The following DNAJC5B variants were observed in gnomAD, a reference collection of about 807,000 sequenced individuals.
DNAJC5B encodes DnaJ heat shock protein family (Hsp40) member C5 beta.
In DNAJC5B, 23 loss-of-function variants were observed where a neutral mutation model predicts 24.7. The observed-to-expected ratio is 0.93, with a 90% CI of 0.67 to 1.32. DNAJC5B has a LOEUF of 1.32. Among genes scored for constraint, DNAJC5B ranks in the 40% most tolerant of loss-of-function variants. The probability of loss-of-function intolerance (pLI) is 0.00; values close to 1 mark genes in which losing one functional copy is unlikely to be tolerated. For synonymous variants in DNAJC5B, 101 were observed against 90.1 expected (o/e 1.12, Z -0.68); for missense variants, 238 against 240.8 (o/e 0.99, Z 0.08).
At chr8:66,099,506 C>CACT (rs1808026949) in intron 5 of DNAJC5B, among the ~76,000 whole-genome samples, 1 of 152,228 alleles carries the variant, frequency 6.6e-6, no homozygotes, top group Admixed American at 6.5e-5. Flanking sequence ...TCCAATTGTA[C>CACT]ACTACATAAT....
At chr8:66,066,605 T>C (rs977215221) in intron 3 of DNAJC5B, among the ~76,000 whole-genome samples, 7 of 152,170 alleles carry the variant, frequency 4.6e-5, no homozygotes, top group African/African-American at 1.7e-4. Flanking sequence ...TGGAGGCCAT[T>C]ATTCTAAATA....
At chr8:66,095,259 T>C (rs1412994627) in intron 5 of DNAJC5B, among the ~76,000 whole-genome samples, 1 of 152,100 alleles carries the variant, frequency 6.6e-6, no homozygotes. Context: ...TTACTTAATG[T>C]TTATAGACCA....
intron 1 of DNAJC5B, among the ~76,000 whole-genome samples, chr8:66,033,709 G>T (rs1212782576): frequency 6.6e-6 from 1 of 151,038 alleles, no homozygotes; most frequent in Non-Finnish European, 1.5e-5. Flanking sequence ...AACACAATTG[G>T]TGGTAACAAC....
chr8:66,093,917 C>T (rs1190202168), intron 5 of DNAJC5B, among the ~76,000 whole-genome samples: 1 of 152,072 alleles, frequency 6.6e-6, no homozygotes, highest in African/African-American at 2.4e-5. Context: ...ATGTGGGACT[C>T]CAATTTCATT....
intron 4 of DNAJC5B, among the ~76,000 whole-genome samples, chr8:66,079,897 T>C (rs1237263173): frequency 6.6e-6 from 1 of 152,060 alleles, no homozygotes; most frequent in African/African-American, 2.4e-5. Flanking sequence ...GGAGAGACGC[T>C]ATCCAGGACT....
intron 5 of DNAJC5B, among the ~76,000 whole-genome samples, chr8:66,089,364 C>A (rs939642547): frequency 1.1e-4 from 16 of 152,138 alleles, no homozygotes; most frequent in Non-Finnish European, 1.8e-4. Flanking sequence ...AGAGCCAAAC[C>A]ATATCAGTGA....
At chr8:66,067,940 G>T (rs562310283) in intron 3 of DNAJC5B, among the ~76,000 whole-genome samples, 1 of 152,280 alleles carries the variant, frequency 6.6e-6, no homozygotes, top group South Asian at 2.1e-4. Flanking sequence ...TATGTAGCTT[G>T]TTACAGAGAA....
intron 1 of DNAJC5B, among the ~76,000 whole-genome samples, chr8:66,040,702 A>G (rs1269497353): frequency 1.3e-5 from 2 of 152,052 alleles, no homozygotes; most frequent in African/African-American, 4.8e-5. Flanking sequence ...GCCCAGCCCC[A>G]CTGAGCCAGA....
At chr8:66,018,208 G>T (rs1382232989), upstream of DNAJC5B, among the ~76,000 whole-genome samples, 2 of 152,116 alleles carry the variant, frequency 1.3e-5, no homozygotes, top group Admixed American at 6.6e-5. Flanking sequence ...GATGGGTGGG[G>T]CCTGCAATTT....
intron 3 of DNAJC5B, among the ~76,000 whole-genome samples, chr8:66,063,860 C>T (rs766228790): frequency 1.2e-4 from 19 of 152,126 alleles, no homozygotes; most frequent in Admixed American, 9.8e-4. Context: ...TTTTGCTTGT[C>T]TTTGAGACAT....
intron 1 of DNAJC5B, among the ~76,000 whole-genome samples, chr8:66,032,467 C>T (rs1806379998): frequency 6.6e-6 from 1 of 152,224 alleles, no homozygotes; most frequent in Admixed American, 6.5e-5. Flanking sequence ...TTAATATTCA[C>T]AACATTTCTG....
At chr8:66,024,426 T>G (rs1563582708) in intron 1 of DNAJC5B, among the ~76,000 whole-genome samples, 2 of 60,442 alleles carry the variant, frequency 3.3e-5, no homozygotes, top group African/African-American at 3.7e-4. Context: ...TTTTTTAATG[T>G]TTTTTTTTTA....
intron 3 of DNAJC5B, chr8:66,057,252 A>G (rs1425124216): frequency 6.6e-6 from 1 of 152,222 alleles, no homozygotes; most frequent in Non-Finnish European, 1.5e-5. Flanking sequence ...AGGAATTAAC[A>G]AAAAAGAACC....
intron 1 of DNAJC5B, among the ~76,000 whole-genome samples, chr8:66,029,454 T>C (rs1563584827): frequency 6.6e-6 from 1 of 152,146 alleles, no homozygotes; most frequent in Non-Finnish European, 1.5e-5. Flanking sequence ...GAAGCTGGAC[T>C]TTTAGCTAAA....
Position 66,092,984 on chromosome 8 carries a change from A to G in DNAJC5B, c.506-6953A>G, listed in dbSNP as rs367853295. ...TGTCTGCTTCTCCCCTTCCCACTCT[A>G]GCAGCCCGCAGTGTCTGTTATTCCC... On this transcript the variant is annotated intron_variant, in intron 5 of 5. Coordinates refer to ENST00000276570, the MANE Select transcript of DNAJC5B (RefSeq NM_033105.6). 1.4e-4 allele frequency among the ~76,000 whole-genome samples: 22 copies of G among 152,164 alleles called. No individual in the cohort carries two copies. The South Asian group carries it at 2.7e-3, about 19-fold the overall frequency.
At chr8:66,036,430 CCAACGGA>C (rs1806486408) in intron 1 of DNAJC5B, among the ~76,000 whole-genome samples, 1 of 152,154 alleles carries the variant, frequency 6.6e-6, no homozygotes, top group Non-Finnish European at 1.5e-5. Flanking sequence ...TATAAATCCC[CCAACGGA>C]CAAGCTCTGG....
intron 5 of DNAJC5B, among the ~76,000 whole-genome samples, chr8:66,085,475 AG>A (rs1417167012): frequency 2.6e-5 from 4 of 152,006 alleles, no homozygotes; most frequent in Admixed American, 2.6e-4. Context: ...CGGGAGGCTG[AG>A]GCAGGAGAAT....
At chr8:66,082,240 T>C (rs1032883409) in intron 5 of DNAJC5B, among the ~76,000 whole-genome samples, 3 of 151,808 alleles carry the variant, frequency 2.0e-5, no homozygotes, top group Admixed American at 2.0e-4. Flanking sequence ...TTCAACATCC[T>C]CCACTGGGTC....
At chr8:66,037,181 A>T (rs1806506135) in intron 1 of DNAJC5B, among the ~76,000 whole-genome samples, 1 of 152,226 alleles carries the variant, frequency 6.6e-6, no homozygotes, top group Non-Finnish European at 1.5e-5. Flanking sequence ...GGCTTTGGCA[A>T]CAGGGACCAG....
Sources: allele counts gnomAD v4.1 joint callset (sites outside exome capture counted in the v4.1 genomes callset), GRCh38; gene constraint gnomAD v4.1.1; transcripts MANE v1.5; gene names NCBI Gene and HGNC (gene_info 2026-07-23, HGNC 2026-07-21).